The following SUFU variants were observed in gnomAD, a reference collection of about 807,000 sequenced individuals.
SUFU encodes SUFU negative regulator of hedgehog signaling, also known as suppressor of fused homolog.
Under a neutral mutation model 58.9 loss-of-function variants are expected in SUFU, and 7 were observed. That is an observed-to-expected ratio of 0.12 (90% confidence interval 0.07 to 0.22). SUFU has a LOEUF of 0.22. SUFU is among the 10% of genes least tolerant of loss of function. The pLI is 1.00. For synonymous variants in SUFU, 232 were observed against 254.8 expected, an observed-to-expected ratio of 0.91 and a Z score of 0.85; for missense variants, 451 against 641.3, an observed-to-expected ratio of 0.70 and a Z score of 3.20.
chr10:102,579,936 G>T, intron 3 of SUFU: 1 of 852,376 alleles, frequency 1.2e-6, no homozygotes, highest in Non-Finnish European at 1.4e-6. Flanking sequence ...CACCATCTGC[G>T]CCATTTGACC....
At chr10:102,506,110 TG>T (rs1309435123) in intron 1 of SUFU, among the ~76,000 whole-genome samples, 1 of 151,472 alleles carries the variant, frequency 6.6e-6, no homozygotes, top group Non-Finnish European at 1.5e-5. Context: ...AGGCCTCATT[TG>T]AGTGTGAGGA....
At position 102,520,411 on chromosome 10, in the gene SUFU, G is replaced by C. The variant is rs2062537920; in HGVS notation, c.317+11108G>C. Among the ~76,000 whole-genome samples, 5 of 150,914 alleles carry C rather than the reference G, an allele frequency of 3.3e-5. No individual in the cohort carries two copies. The South Asian group carries it at 8.4e-4, about 25-fold the overall frequency. On this transcript the variant is annotated intron_variant, in intron 2 of 11. Transcript: ENST00000369902. ...TTTTTTGTATGTTTAGTAGAGATGG[G>C]GTTCTACCATGTTGGCCAGGCTGGT... is the stretch of plus-strand genomic sequence containing the variant.
At chr10:102,522,072 C>T (rs1432788996) in intron 2 of SUFU, among the ~76,000 whole-genome samples, 1 of 152,224 alleles carries the variant, frequency 6.6e-6, no homozygotes, top group East Asian at 1.9e-4. Flanking sequence ...TTAACATCTT[C>T]TGAGGCTTCC....
intron 10 of SUFU, among the ~76,000 whole-genome samples, chr10:102,623,752 C>A (rs2063762229): frequency 6.6e-6 from 1 of 152,104 alleles, no homozygotes; most frequent in Non-Finnish European, 1.5e-5. Flanking sequence ...CCAGCCTGGC[C>A]AACATGGCAA....
At chr10:102,508,678 T>C (rs1195709570) in intron 1 of SUFU, among the ~76,000 whole-genome samples, 1 of 152,204 alleles carries the variant, frequency 6.6e-6, no homozygotes, top group East Asian at 1.9e-4. Context: ...GGGCACAATA[T>C]AGTCTTTCAG....
intron 7 of SUFU, among the ~76,000 whole-genome samples, chr10:102,597,494 C>T (rs1056435637): frequency 6.6e-6 from 1 of 152,198 alleles, no homozygotes; most frequent in African/African-American, 2.4e-5. Flanking sequence ...GTTGTGTTTC[C>T]TGTGTGTATT....
chr10:102,612,996 GAGGGC>G (rs2063642108), intron 8 of SUFU, among the ~76,000 whole-genome samples: 1 of 152,150 alleles, frequency 6.6e-6, no homozygotes, highest in Non-Finnish European at 1.5e-5. Context: ...TTTGGGCCCT[GAGGGC>G]ACCCTATGTC....
chr10:102,554,095 A>AAAAAAC (rs752497151), intron 3 of SUFU, among the ~76,000 whole-genome samples: 4 of 151,928 alleles, frequency 2.6e-5, no homozygotes, highest in Non-Finnish European at 2.9e-5. Context: ...ACCCTGTCTC[A>AAAAAAC]AAAAACAAAA....
chr10:102,600,196 C>A (rs1397155261), intron 8 of SUFU, among the ~76,000 whole-genome samples: 2 of 152,178 alleles, frequency 1.3e-5, no homozygotes, highest in Non-Finnish European at 2.9e-5. Flanking sequence ...CTGGGCACCC[C>A]CCTCTGCCCT....
chr10:102,535,357 A>AT (rs2062724908), intron 2 of SUFU, among the ~76,000 whole-genome samples: 1 of 151,978 alleles, frequency 6.6e-6, no homozygotes, highest in South Asian at 2.1e-4. Flanking sequence ...ATGGTGGCAC[A>AT]CGCCTGTAGT....
chr10:102,627,074 ATC>A (rs776888022), intron 10 of SUFU, 99 bp from the exon 11 acceptor site: 2 of 1,296,516 alleles, frequency 1.5e-6, no homozygotes, highest in Non-Finnish European at 2.2e-6. Flanking sequence ...CAGTGAGCTC[ATC>A]TCTCCTCCAT....
intron 2 of SUFU, among the ~76,000 whole-genome samples, chr10:102,546,232 C>A (rs763321642): frequency 5.3e-5 from 8 of 152,182 alleles, no homozygotes; most frequent in Non-Finnish European, 1.2e-4. Context: ...CCCCGGACAC[C>A]CCCGTGAACA....
At chr10:102,532,337 T>C (rs1223077476) in intron 2 of SUFU, among the ~76,000 whole-genome samples, 1 of 152,172 alleles carries the variant, frequency 6.6e-6, no homozygotes, top group East Asian at 1.9e-4. Flanking sequence ...GCCAGCCCTC[T>C]AGGGCAGGGA....
chr10:102,592,700 C>G lies in SUFU; in HGVS notation c.573C>G (p.Pro191=). The G allele has an allele frequency of 4.3e-6, 7 of 1,614,162 alleles. No individual in the cohort carries two copies. The highest frequency in any genetic ancestry group is 5.9e-6 in the Non-Finnish European group (7 of 1,180,032). ...CACAGATGCAGCCCGTGCAGACACC[C>G]TTTGGGGTAGTTACCTTCCTCCAGG... ...EDPQMQPVQT[P]FGVVTFLQIV... The change falls in exon 4 of 12, where the codon CCC becomes CCG. Residue 191 remains proline, a synonymous_variant. Transcript: ENST00000369902.
Position 102,630,458 on chromosome 10 carries a change from G to A in SUFU, c.*303G>A, listed in dbSNP as rs966803760. The A allele has an allele frequency of 1.2e-4, 56 of 480,734 alleles. No homozygotes were observed. The highest frequency in any genetic ancestry group is 9.6e-4 in the African/African-American group (50 of 51,876). 29.8% of individuals were successfully genotyped at this position (480,734 alleles called of 1,614,324 possible). The stretch of plus-strand genomic sequence containing the variant: ...GATTCTGGTTTGAGGTTTGACTCTG[G>A]ACCCTGGCTGTGCCCCTAGGTGGAG... On this transcript the variant is annotated 3_prime_UTR_variant, in exon 12 of 12. Transcript: ENST00000369902.
chr10:102,504,958 C>T lies in SUFU; in HGVS notation c.182+624C>T, dbSNP rs918207643. On this transcript the variant is annotated intron_variant, in intron 1 of 11. Coordinates refer to ENST00000369902, the MANE Select transcript of SUFU (RefSeq NM_016169.4). ...TTGCTTTTGAAGTTTGACGGAGCAG[C>T]TCTTCCTGATAAACTTTTTGCTTAC... 3.3e-5 allele frequency among the ~76,000 whole-genome samples: 5 copies of T among 152,156 alleles called. No homozygotes were observed. The East Asian group carries it at 5.8e-4, about 18-fold the overall frequency.
rs1392560869 is a variant in SUFU, at chr10:102,617,557, A to G, written c.1296+129A>G. On this transcript the variant is annotated intron_variant, in intron 10 of 11. Transcript: ENST00000369902. This position sits in a 1 kb window ranked among gnomAD's most constrained non-coding sequence, Gnocchi z 4.4. The stretch of plus-strand genomic sequence containing the variant: ...CTGGTCATGAATGCCTCATGGATTC[A>G]GGGCCTGGGGCCTGTGTGTAGGTAT... 1.3e-5 allele frequency: 17 copies of G among 1,329,560 alleles called. No individual in the cohort carries two copies. Among genetic ancestry groups the G allele is most frequent in the Non-Finnish European group, 1.7e-5 (16 of 934,828 alleles). 82.4% of individuals were successfully genotyped at this position (1,329,560 alleles called of 1,614,324 possible). A position where few individuals can be genotyped will look rare whatever the true frequency, so the allele number is the denominator to read the frequency against.
intron 3 of SUFU, among the ~76,000 whole-genome samples, chr10:102,583,453 A>G (rs953353000): frequency 3.9e-5 from 6 of 152,050 alleles, no homozygotes; most frequent in African/African-American, 1.4e-4. Context: ...CCTGGGCCCG[A>G]CTCCCTTTTC....
chr10:102,522,864 G>C (rs914422216), intron 2 of SUFU, among the ~76,000 whole-genome samples: 1 of 152,200 alleles, frequency 6.6e-6, no homozygotes, highest in Non-Finnish European at 1.5e-5. Flanking sequence ...ACATAAACCT[G>C]GTCCTGGTCC....
Sources: allele counts gnomAD v4.1 joint callset (sites outside exome capture counted in the v4.1 genomes callset), GRCh38; gene constraint gnomAD v4.1.1; non-coding constraint Gnocchi (gnomAD v3.1); transcripts MANE v1.5; gene names NCBI Gene and HGNC (gene_info 2026-07-23, HGNC 2026-07-21).